CCDC171: variants seen among roughly 807,000 people sequenced by gnomAD.
The protein encoded by CCDC171 is coiled-coil domain containing 171.
Under a neutral mutation model 168.2 loss-of-function variants are expected in CCDC171, and 177 were observed. That is an observed-to-expected ratio of 1.05 (90% CI 0.93 to 1.19). The LOEUF (loss-of-function observed/expected upper bound fraction) is 1.19, where lower values mean the gene tolerates loss of function less well. CCDC171 is among the 50% of genes most tolerant of loss of function. The pLI is 0.00. For synonymous variants in CCDC171, 687 were observed against 540.8 expected, an observed-to-expected ratio of 1.27 and a Z score of -3.75; for missense variants, 1,991 against 1,539.0, an observed-to-expected ratio of 1.29 and a Z score of -4.91.
intron 6 of CCDC171, among the ~76,000 whole-genome samples, chr9:15,608,808 A>G (rs1401256261): frequency 6.6e-6 from 1 of 150,846 alleles, no homozygotes; most frequent in Non-Finnish European, 1.5e-5. Flanking sequence ...AAGTATATAT[A>G]TTAGCCAGGC....
chr9:15,743,138 C>CTTTTTTTTTTTT (rs66642691), intron 16 of CCDC171, among the ~76,000 whole-genome samples: 6 of 73,262 alleles, frequency 8.2e-5, no homozygotes, highest in African/African-American at 2.3e-4. Context: ...CTGTTACCTT[C>CTTTTTTTTTTTT]TTTTTTTTTT....
Position 15,727,915 on chromosome 9 carries a change from G to A in CCDC171, c.1739G>A (p.Gly580Asp). 1 of 1,613,100 alleles carries A rather than the reference G, an allele frequency of 6.2e-7. No homozygotes were observed. Among genetic ancestry groups the A allele is most frequent in the Non-Finnish European group, 8.5e-7 (1 of 1,179,530 alleles). The stretch of plus-strand genomic sequence containing the variant: ...ACCTTATATCAGCACTTGGTAGCAG[G>A]CTGTGTGCTCATAAAACAACCAGAA... Reference protein sequence around the residue: ...LHTLYQHLVAGCVLIKQPEGM... With the variant: ...LHTLYQHLVADCVLIKQPEGM... Residue 580 changes from glycine (G) to aspartate (D), a missense_variant, in exon 15 of 26, where the codon GGC becomes GAC. By Grantham distance (94) the Gly-to-Asp change is moderately conservative. Coordinates refer to ENST00000380701, the MANE Select transcript of CCDC171 (RefSeq NM_173550.4).
At chr9:15,740,622 T>G (rs2054809577) in intron 16 of CCDC171, among the ~76,000 whole-genome samples, 1 of 152,144 alleles carries the variant, frequency 6.6e-6, no homozygotes, top group Admixed American at 6.6e-5. Flanking sequence ...GTATTTTAAG[T>G]AGAGACAGGG....
At chr9:15,627,878 A>C (rs1238009421) in intron 7 of CCDC171, among the ~76,000 whole-genome samples, 1 of 151,982 alleles carries the variant, frequency 6.6e-6, no homozygotes, top group African/African-American at 2.4e-5. Flanking sequence ...ATCCTTGTTA[A>C]CTTTCGTCTA....
intron 6 of CCDC171, among the ~76,000 whole-genome samples, chr9:15,600,412 G>C (rs944220450): frequency 2.0e-5 from 3 of 152,188 alleles, no homozygotes; most frequent in Non-Finnish European, 2.9e-5. Flanking sequence ...TCCAGACCCT[G>C]TTTGCCTGGG....
At chr9:15,728,474 A>G (rs1021871182) in intron 15 of CCDC171, among the ~76,000 whole-genome samples, 11 of 152,224 alleles carry the variant, frequency 7.2e-5, no homozygotes, top group Non-Finnish European at 1.5e-4. Context: ...GTTATTTTTA[A>G]AAGCTTAAAC....
intron 18 of CCDC171, among the ~76,000 whole-genome samples, chr9:15,766,772 G>C (rs2056745647): frequency 6.6e-6 from 1 of 151,960 alleles, no homozygotes; most frequent in Non-Finnish European, 1.5e-5. Flanking sequence ...CCTCCTGCCT[G>C]AGCCTCCTGA....
At chr9:15,566,006 C>G (rs533997112) in intron 2 of CCDC171, among the ~76,000 whole-genome samples, 112 of 152,232 alleles carry the variant, frequency 7.4e-4, no homozygotes, top group African/African-American at 2.4e-3. Flanking sequence ...TCTCTATAAC[C>G]TGACCAATAC....
intron 6 of CCDC171, among the ~76,000 whole-genome samples, chr9:16,023,235 C>G (rs148653848): frequency 1.3e-5 from 2 of 152,104 alleles, no homozygotes; most frequent in African/African-American, 4.8e-5. Flanking sequence ...TAACAGGTCC[C>G]CACATAAAAC....
At chr9:15,736,717 C>T (rs2054521350) in intron 16 of CCDC171, among the ~76,000 whole-genome samples, 2 of 151,452 alleles carry the variant, frequency 1.3e-5, no homozygotes, top group South Asian at 4.3e-4. Flanking sequence ...CACTCTGTCA[C>T]CCAGGTGGAG....
chr9:15,717,151 T>C (rs78257583), intron 11 of CCDC171, among the ~76,000 whole-genome samples: 7,180 of 152,214 alleles, frequency 0.047, 360 homozygotes, highest in South Asian at 0.13. Context: ...GCAGCGGCTA[T>C]GTGGTGGGGG....
At chr9:15,583,791 T>C (rs2041332577) in intron 4 of CCDC171, among the ~76,000 whole-genome samples, 1 of 152,008 alleles carries the variant, frequency 6.6e-6, no homozygotes, top group Admixed American at 6.6e-5. Flanking sequence ...AAATAAAATG[T>C]GAAAAAAATT....
intron 6 of CCDC171, among the ~76,000 whole-genome samples, chr9:16,029,559 T>G (rs1280580627): frequency 6.6e-6 from 1 of 152,204 alleles, no homozygotes; most frequent in Non-Finnish European, 1.5e-5. Flanking sequence ...TGCTCTGTAT[T>G]TGTTAGGCCT....
At chr9:15,803,565 T>A (rs2058930164) in intron 21 of CCDC171, among the ~76,000 whole-genome samples, 1 of 152,130 alleles carries the variant, frequency 6.6e-6, no homozygotes, top group Non-Finnish European at 1.5e-5. Flanking sequence ...AAAGATCAGA[T>A]GGTTGTAGAT....
At chr9:15,764,559 C>G (rs1432549825) in intron 18 of CCDC171, among the ~76,000 whole-genome samples, 1 of 151,972 alleles carries the variant, frequency 6.6e-6, no homozygotes, top group Non-Finnish European at 1.5e-5. Context: ...TAAATTGAAG[C>G]AAGAGTTACT....
At chr9:15,595,995 G>GT (rs1455480400) in intron 6 of CCDC171, among the ~76,000 whole-genome samples, 1 of 152,016 alleles carries the variant, frequency 6.6e-6, no homozygotes, top group African/African-American at 2.4e-5. Flanking sequence ...TGATGGGGTT[G>GT]TTTTTTTCCT....
chr9:16,061,936 C>A (rs1246742396), downstream of CCDC171, among the ~76,000 whole-genome samples: 3 of 152,088 alleles, frequency 2.0e-5, no homozygotes, highest in South Asian at 2.1e-4. Context: ...TGGTATAAAC[C>A]CTCCCACTAT....
intron 21 of CCDC171, among the ~76,000 whole-genome samples, chr9:15,820,438 C>T (rs2059723334): frequency 8.8e-6 from 1 of 113,640 alleles, no homozygotes; most frequent in Non-Finnish European, 2.0e-5. Context: ...ATTGATAGAC[C>T]ACTAGCAAGA....
At chr9:16,049,561 AG>A (rs1428980177) in intron 1 of CCDC171, among the ~76,000 whole-genome samples, 1 of 152,138 alleles carries the variant, frequency 6.6e-6, no homozygotes, top group Non-Finnish European at 1.5e-5. Context: ...TCAGAACTTC[AG>A]GGTAGCCGGT....
Sources: gnomAD v4.1 joint callset for allele counts (sites outside exome capture counted in the v4.1 genomes callset) on GRCh38, gnomAD v4.1.1 for gene constraint, MANE v1.5 for transcripts, NCBI Gene and HGNC (gene_info 2026-07-23, HGNC 2026-07-21) for gene names.